GRK3: variants seen among roughly 807,000 people sequenced by gnomAD.
GRK3 encodes the protein G protein-coupled receptor kinase 3.
GRK3 carries 54 observed loss-of-function variants against 95.7 expected under a neutral mutation model. That is an observed-to-expected ratio of 0.56 (90% CI 0.45 to 0.71). The LOEUF (loss-of-function observed/expected upper bound fraction) is 0.71. GRK3 is among the 30% of genes least tolerant of loss of function. The probability of loss-of-function intolerance (pLI) is 0.00; values close to 1 mark genes in which losing one functional copy is unlikely to be tolerated. For missense variants in GRK3, 649 were observed against 851.2 expected (o/e 0.76, Z 2.96); for synonymous variants, 281 against 290.8 (o/e 0.97, Z 0.34).
intron 12 of GRK3, among the ~76,000 whole-genome samples, chr22:25,693,678 G>A (rs1056638684): frequency 2.0e-5 from 3 of 151,776 alleles, no homozygotes; most frequent in Non-Finnish European, 4.4e-5. Context: ...TAGACAGAGA[G>A]TACCAGACCC....
chr22:25,578,655 A>G (rs182652480), intron 1 of GRK3, among the ~76,000 whole-genome samples: 182 of 152,260 alleles, frequency 1.2e-3, no homozygotes, highest in African/African-American at 4.2e-3. Flanking sequence ...GAATGAGTCA[A>G]CCAACCACTG....
chr22:25,698,749 C>G (rs1392854828), intron 13 of GRK3, among the ~76,000 whole-genome samples: 2 of 151,984 alleles, frequency 1.3e-5, no homozygotes, highest in Non-Finnish European at 2.9e-5. Context: ...TGGAAGCAGC[C>G]TGGAGCAATG....
intron 2 of GRK3, among the ~76,000 whole-genome samples, chr22:25,644,252 C>T (rs1272801470): frequency 2.7e-5 from 4 of 148,268 alleles, no homozygotes; most frequent in Non-Finnish European, 4.5e-5. Flanking sequence ...ATCTCTTATT[C>T]CTTTGGTTGT....
chr22:25,633,964 T>C (rs1356069236), intron 2 of GRK3, among the ~76,000 whole-genome samples: 1 of 152,212 alleles, frequency 6.6e-6, no homozygotes, highest in Non-Finnish European at 1.5e-5. Flanking sequence ...CATGTTACTG[T>C]CTAGGTGTTT....
In GRK3 at chr22:25,711,133, A is replaced by T. The variant is rs752599306; in HGVS notation, c.1461A>T (p.Ser487=). The change falls in exon 17 of 21, where the codon TCA becomes TCT. Residue 487 remains serine, a synonymous_variant. Coordinates refer to ENST00000324198, the MANE Select transcript of GRK3 (RefSeq NM_005160.4). ...VNAADAFDIG[S]FDEEDTKGIK... ...CTGCTGATGCCTTTGATATTGGCTC[A>T]TTTGATGAAGAGGATACCAAAGGGA... 6.2e-7 allele frequency: 1 copy of T among 1,613,378 alleles called. No homozygotes were observed. Among genetic ancestry groups the T allele is most frequent in the South Asian group, 1.1e-5 (1 of 91,006 alleles).
chr22:25,704,622 G>A lies in GRK3; in HGVS notation c.1328+413G>A, dbSNP rs530183848. Reference sequence around the variant, plus strand: ...GACGGGGTTTTCCTATGTTGGCCAGGCTGGTCTCAAACTCCTGACCTCAGG... The same window carrying A: ...GACGGGGTTTTCCTATGTTGGCCAGACTGGTCTCAAACTCCTGACCTCAGG... On this transcript the variant is annotated intron_variant, in intron 15 of 20. Coordinates refer to ENST00000324198, the MANE Select transcript of GRK3 (RefSeq NM_005160.4). Among the ~76,000 whole-genome samples, 220 of 152,314 alleles carry A rather than the reference G, an allele frequency of 1.4e-3. 3 individuals carry two copies. Among genetic ancestry groups the A allele is most frequent in the African/African-American group, 4.7e-3 (195 of 41,570 alleles).
chr22:25,671,827 T>C (rs1268930134), intron 6 of GRK3, among the ~76,000 whole-genome samples: 1 of 152,258 alleles, frequency 6.6e-6, no homozygotes, highest in African/African-American at 2.4e-5. Flanking sequence ...AGTAGCCAGA[T>C]ACAGCTATTG....
At chr22:25,607,401 C>G (rs1195687218) in intron 2 of GRK3, among the ~76,000 whole-genome samples, 1 of 150,282 alleles carries the variant, frequency 6.7e-6, no homozygotes, top group African/African-American at 2.5e-5. Context: ...AAATACTGTT[C>G]TTGTATTGTA....
chr22:25,604,270 C>G, intron 1 of GRK3, 107 bp from the exon 2 acceptor site: 1 of 786,444 alleles, frequency 1.3e-6, no homozygotes, highest in Admixed American at 2.7e-5. Context: ...AGAAGGGTCT[C>G]TTGTAAAGCT....
chr22:25,647,300 C>T lies in GRK3; in HGVS notation c.264+2635C>T. 3.4e-6 allele frequency: 4 copies of T among 1,189,804 alleles called. No individual in the cohort carries two copies. The Admixed American group carries it at 5.3e-5, about 16-fold the overall frequency. The allele number at this position is 1,189,804 out of a possible 1,614,324, so 73.7% of individuals were successfully genotyped here. A position where few individuals can be genotyped will look rare whatever the true frequency, so the allele number is the denominator to read the frequency against. On this transcript the variant is annotated intron_variant, in intron 3 of 20. Coordinates refer to ENST00000324198, the MANE Select transcript of GRK3 (RefSeq NM_005160.4). The stretch of plus-strand genomic sequence containing the variant: ...AAAGCAAAGAAAACAAAAGTCCAGC[C>T]ATTAAATACCTGAAAATACTCCAGA...
At chr22:25,696,286 C>T (rs1179414066) in intron 13 of GRK3, among the ~76,000 whole-genome samples, 2 of 152,108 alleles carry the variant, frequency 1.3e-5, no homozygotes, top group Non-Finnish European at 2.9e-5. Flanking sequence ...AGCCGGTAAA[C>T]CCATTTTAAA....
chr22:25,592,477 T>G (rs966240974), intron 1 of GRK3, among the ~76,000 whole-genome samples: 4 of 152,196 alleles, frequency 2.6e-5, no homozygotes, highest in African/African-American at 9.6e-5. Context: ...TTTTTAATTT[T>G]GACGAAATTA....
Position 25,724,115 on chromosome 22 carries a change from A to AACACACACACACACACACACACACAC in GRK3, c.*1676_*1701dup, listed in dbSNP as rs60731107. On this transcript the variant is annotated 3_prime_UTR_variant, in exon 21 of 21. Transcript: ENST00000324198. ...AAGAATAGTATTCAAATTCTGTTGA[A>AACACACACACACACACACACACACAC]ACACACACACACACACACACACACA... is the stretch of plus-strand genomic sequence containing the variant. The AACACACACACACACACACACACACAC allele has an allele frequency of 8.3e-5, 12 of 144,544 alleles. No individual in the cohort carries two copies. The highest frequency in any genetic ancestry group is 2.5e-4 in the African/African-American group (10 of 39,296). 9.0% of individuals were successfully genotyped at this position (144,544 alleles called of 1,614,324 possible). A position where few individuals can be genotyped will look rare whatever the true frequency, so the allele number is the denominator to read the frequency against.
chr22:25,647,020 CAAAAAAAAAAAA>C (rs1025786169), intron 3 of GRK3, among the ~76,000 whole-genome samples: 4 of 54,018 alleles, frequency 7.4e-5, no homozygotes, highest in South Asian at 6.7e-4. Flanking sequence ...GACTTTGTCT[CAAAAAAAAAAAA>C]AAAAAAAAAA....
rs772569247 is a variant in GRK3, at chr22:25,565,046, G to A, written c.6G>A (p.Ala2=). ...CGCCGCCAAAGCTCGCCAACATGGC[G>A]GACCTGGAGGCTGTGCTGGCCGATG... M[A]DLEAVLADVS... The change falls in exon 1 of 21, where the codon GCG becomes GCA. Residue 2 remains alanine, a synonymous_variant. Transcript: ENST00000324198. The A allele has an allele frequency of 3.0e-5, 44 of 1,487,530 alleles. No individual in the cohort carries two copies. Among genetic ancestry groups the A allele is most frequent in the Non-Finnish European group, 3.7e-5 (41 of 1,116,382 alleles). The allele number at this position is 1,487,530 out of a possible 1,614,324, so 92.1% of individuals were successfully genotyped here.
chr22:25,704,534 C>A (rs899165123), intron 15 of GRK3, among the ~76,000 whole-genome samples: 5 of 152,190 alleles, frequency 3.3e-5, no homozygotes, highest in Admixed American at 6.5e-5. Flanking sequence ...CCTCAGCCTC[C>A]TGAGTAGCTA....
intron 1 of GRK3, among the ~76,000 whole-genome samples, chr22:25,593,137 G>GT (rs141900632): frequency 1.3e-3 from 194 of 144,764 alleles, no homozygotes; most frequent in East Asian, 3.6e-3. Context: ...AGTGCATGTG[G>GT]TTTTTTTTTT....
chr22:25,634,902 G>A (rs765154620), intron 2 of GRK3, among the ~76,000 whole-genome samples: 7 of 152,038 alleles, frequency 4.6e-5, no homozygotes, highest in Non-Finnish European at 8.8e-5. Flanking sequence ...TTGTGATTTT[G>A]CCGCTTTTCT....
rs1233585755 is a variant in GRK3, at chr22:25,564,888, GGCGCGCGGCGC to G, written c.-144_-134del. On this transcript the variant is annotated 5_prime_UTR_variant, in exon 1 of 21. Transcript: ENST00000324198. ...TGCGGCGCGCGCAGAGCGCTAGTGG[GGCGCGCGGCGC>G]GCGCGCGGGGCGGGGGCGCGCGGAG... 8 of 142,008 alleles carry G rather than the reference GGCGCGCGGCGC, an allele frequency of 5.6e-5. No individual in the cohort carries two copies. The highest frequency in any genetic ancestry group is 4.1e-4 in the Admixed American group (6 of 14,486). The allele number at this position is 142,008 out of a possible 1,614,324, so 8.8% of individuals were successfully genotyped here.
Sources: allele counts gnomAD v4.1 joint callset (sites outside exome capture counted in the v4.1 genomes callset), GRCh38; gene constraint gnomAD v4.1.1; transcripts MANE v1.5; gene names NCBI Gene and HGNC (gene_info 2026-07-23, HGNC 2026-07-21).